NLGN1: variants seen among roughly 807,000 people sequenced by gnomAD.
The protein encoded by NLGN1 is neuroligin 1, also known as neuroligin-1.
A neutral mutation model predicts 65.5 loss-of-function variants in NLGN1; 12 were observed. That is an observed-to-expected ratio of 0.18 (90% CI 0.12 to 0.30). The LOEUF is 0.30. Ranked by LOEUF, NLGN1 falls within the 10% of genes least tolerant of loss-of-function variation. NLGN1 has a pLI of 1.00. For missense variants in NLGN1, 750 were observed against 1,007.1 expected, an observed-to-expected ratio of 0.74 and a Z score of 3.46; for synonymous variants, 350 against 359.5, an observed-to-expected ratio of 0.97 and a Z score of 0.30.
At chr3:173,580,003 G>T (rs1041311127) in intron 2 of NLGN1, among the ~76,000 whole-genome samples, 4 of 151,958 alleles carry the variant, frequency 2.6e-5, no homozygotes, top group Non-Finnish European at 5.9e-5. Context: ...AAATATTTCG[G>T]TTATTTCTTC....
chr3:173,990,609 T>A (rs1720890921), intron 4 of NLGN1, among the ~76,000 whole-genome samples: 1 of 152,160 alleles, frequency 6.6e-6, no homozygotes, highest in African/African-American at 2.4e-5. Flanking sequence ...TGAAAATTGT[T>A]TATTGGCAAC....
At position 173,452,407 on chromosome 3, in the gene NLGN1, C is replaced by T. The variant is rs147346286; in HGVS notation, c.-321+17329C>T. Among the ~76,000 whole-genome samples, 861 of 152,188 alleles carry T rather than the reference C, an allele frequency of 5.7e-3. 37 individuals are homozygous for T. The highest frequency in any genetic ancestry group is 0.052 in the Admixed American group (799 of 15,296). On this transcript the variant is annotated intron_variant, in intron 2 of 6. Transcript: ENST00000457714. ...TTCATCGTGTTAGCTAGGATAGTCT[C>T]GATCTCCTGACCTCATGATCCACCC...
At chr3:174,195,541 A>AT (rs1295916936) in intron 4 of NLGN1, among the ~76,000 whole-genome samples, 2 of 152,194 alleles carry the variant, frequency 1.3e-5, no homozygotes, top group Non-Finnish European at 2.9e-5. Context: ...CTCAAACCAA[A>AT]TCCACTCTGA....
chr3:174,083,517 T>G (rs1742659712), intron 4 of NLGN1, among the ~76,000 whole-genome samples: 1 of 152,140 alleles, frequency 6.6e-6, no homozygotes, highest in African/African-American at 2.4e-5. Context: ...ACATAGTGAA[T>G]TCCTGGAATT....
At chr3:173,401,591 T>TA (rs1717716163) in intron 1 of NLGN1, among the ~76,000 whole-genome samples, 1 of 152,108 alleles carries the variant, frequency 6.6e-6, no homozygotes, top group South Asian at 2.1e-4. Context: ...CATTCTCGTA[T>TA]CACTGCCAGA....
At chr3:173,951,710 C>T (rs1181244632) in intron 4 of NLGN1, among the ~76,000 whole-genome samples, 1 of 152,026 alleles carries the variant, frequency 6.6e-6, no homozygotes, top group Non-Finnish European at 1.5e-5. Flanking sequence ...TTCTGCACAC[C>T]TCGACCTCCC....
intron 2 of NLGN1, among the ~76,000 whole-genome samples, chr3:173,451,897 G>A (rs1721616507): frequency 6.6e-6 from 1 of 152,196 alleles, no homozygotes; most frequent in South Asian, 2.1e-4. Context: ...CGTTTGTTAA[G>A]CCCATTGGAA....
At chr3:173,759,509 T>G (rs910207283) in intron 3 of NLGN1, among the ~76,000 whole-genome samples, 1 of 151,968 alleles carries the variant, frequency 6.6e-6, no homozygotes, top group Non-Finnish European at 1.5e-5. Context: ...TCACATTGCT[T>G]TCTTAAAAAT....
At chr3:173,920,649 CTATT>C (rs1741808393) in intron 4 of NLGN1, 3 of 152,254 alleles carry the variant, frequency 2.0e-5, no homozygotes, top group South Asian at 2.1e-4. Context: ...TCATAACACT[CTATT>C]TAAGGTTCAC....
chr3:173,565,591 G>T (rs1479509298), intron 2 of NLGN1, among the ~76,000 whole-genome samples: 2 of 152,108 alleles, frequency 1.3e-5, no homozygotes, highest in Admixed American at 1.3e-4. Context: ...CTTCCCCAGA[G>T]ATGTAGGTTT....
chr3:173,449,042 T>C (rs915206452), intron 2 of NLGN1, among the ~76,000 whole-genome samples: 45 of 152,266 alleles, frequency 3.0e-4, no homozygotes, highest in African/African-American at 1.0e-3. Flanking sequence ...TTTTGAAGGG[T>C]TTTTTGTGTC....
chr3:173,497,742 T>C (rs2149040587), intron 2 of NLGN1, among the ~76,000 whole-genome samples: 1 of 151,148 alleles, frequency 6.6e-6, no homozygotes, highest in South Asian at 2.1e-4. Context: ...GAATGAACAT[T>C]TGCATTAGAA....
At chr3:173,609,152 A>G (rs1751867947) in intron 3 of NLGN1, among the ~76,000 whole-genome samples, 1 of 151,926 alleles carries the variant, frequency 6.6e-6, no homozygotes, top group Non-Finnish European at 1.5e-5. Flanking sequence ...ATTCACAAAC[A>G]CATTGTCTGG....
chr3:174,173,078 T>C (rs1040615700), intron 4 of NLGN1, among the ~76,000 whole-genome samples: 6 of 151,950 alleles, frequency 3.9e-5, no homozygotes, highest in African/African-American at 1.2e-4. Context: ...TTTGTAGATA[T>C]TGTGTATGGT....
chr3:173,668,244 T>C (rs1761980995), intron 3 of NLGN1, among the ~76,000 whole-genome samples: 1 of 152,158 alleles, frequency 6.6e-6, no homozygotes, highest in African/African-American at 2.4e-5. Context: ...AGTCGCCAAG[T>C]CTTAAATATG....
intron 4 of NLGN1, among the ~76,000 whole-genome samples, chr3:173,899,499 T>G (rs2152167874): frequency 6.6e-6 from 1 of 152,254 alleles, no homozygotes; most frequent in African/African-American, 2.4e-5. Flanking sequence ...TGGCAAACTA[T>G]GACCAATAGG....
intron 3 of NLGN1, among the ~76,000 whole-genome samples, chr3:173,797,291 T>A (rs1479976878): frequency 1.3e-5 from 2 of 152,116 alleles, no homozygotes; most frequent in African/African-American, 4.8e-5. Flanking sequence ...CCAAAACTGT[T>A]ACCAACCCTC....
chr3:174,062,518 A>G (rs1439389494), intron 4 of NLGN1, among the ~76,000 whole-genome samples: 1 of 152,068 alleles, frequency 6.6e-6, no homozygotes, highest in Non-Finnish European at 1.5e-5. Flanking sequence ...ATTAAATGCC[A>G]ACTAAGAAGA....
intron 2 of NLGN1, among the ~76,000 whole-genome samples, chr3:173,548,993 T>C (rs1740389335): frequency 1.3e-5 from 2 of 152,044 alleles, no homozygotes; most frequent in African/African-American, 4.8e-5. Context: ...TGTTCTATTG[T>C]TACTCCTTAC....
Sources: gnomAD v4.1 joint callset for allele counts (sites outside exome capture counted in the v4.1 genomes callset) on GRCh38, gnomAD v4.1.1 for gene constraint, MANE v1.5 for transcripts, NCBI Gene and HGNC (gene_info 2026-07-23, HGNC 2026-07-21) for gene names.